Variants in ESRRG observed in about 807,000 individuals in gnomAD.
The protein encoded by ESRRG is estrogen-related receptor gamma.
ESRRG carries 13 observed loss-of-function variants against 44.0 expected under a neutral mutation model. The observed-to-expected ratio is 0.30, with a 90% CI of 0.19 to 0.47. The LOEUF (loss-of-function observed/expected upper bound fraction) is 0.47. Ranked by LOEUF, ESRRG falls within the 20% of genes least tolerant of loss-of-function variation. The probability of loss-of-function intolerance (pLI) is 1.00; values close to 1 mark genes in which losing one functional copy is unlikely to be tolerated. For synonymous variants in ESRRG, 215 were observed against 214.6 expected (o/e 1.00, Z -0.02); for missense variants, 395 against 580.6 (o/e 0.68, Z 3.29).
chr1:217,122,375 T>C (rs2092830975), intron 1 of ESRRG, among the ~76,000 whole-genome samples: 1 of 152,158 alleles, frequency 6.6e-6, no homozygotes, highest in African/African-American at 2.4e-5. Context: ...ATTTGCATCC[T>C]GGCCCCACCT....
chr1:216,568,400 G>T (rs1425184225), intron 3 of ESRRG, among the ~76,000 whole-genome samples: 1 of 152,194 alleles, frequency 6.6e-6, no homozygotes, highest in East Asian at 1.9e-4. Context: ...GCCGCTATTT[G>T]GTGCTAGTAT....
intron 2 of ESRRG, among the ~76,000 whole-genome samples, chr1:216,923,302 C>T (rs1016357397): frequency 2.6e-5 from 4 of 152,218 alleles, no homozygotes; most frequent in Non-Finnish European, 5.9e-5. Flanking sequence ...AAACAAGAAA[C>T]AGAACCCCTC....
intron 2 of ESRRG, among the ~76,000 whole-genome samples, chr1:216,773,349 A>G (rs1197748734): frequency 6.6e-6 from 1 of 152,124 alleles, no homozygotes; most frequent in African/African-American, 2.4e-5. Flanking sequence ...GCAATGATCC[A>G]ATATAAGCAA....
chr1:217,072,936 C>T (rs1445914380), intron 1 of ESRRG, among the ~76,000 whole-genome samples: 15 of 152,032 alleles, frequency 9.9e-5, no homozygotes, highest in Admixed American at 9.8e-4. Context: ...TACCCATTGT[C>T]ATTCATATGA....
chr1:216,634,199 A>G (rs1051007454), intron 3 of ESRRG, among the ~76,000 whole-genome samples: 1 of 152,138 alleles, frequency 6.6e-6, no homozygotes, highest in East Asian at 1.9e-4. Context: ...TTCCAAATGT[A>G]CAAGCTTCGG....
chr1:217,074,451 C>CAAA lies in ESRRG; in HGVS notation c.-106+15055_-106+15056insTTT, dbSNP rs140445948. Among the ~76,000 whole-genome samples the CAAA allele has an allele frequency of 1.1e-3, 164 of 144,124 alleles. 5 individuals are homozygous for CAAA. Among genetic ancestry groups the CAAA allele is most frequent in the East Asian group, 2.1e-3 (10 of 4,804 alleles). The allele number at this position is 144,124 out of a possible 152,430, so 94.6% of individuals were successfully genotyped here. A position where few individuals can be genotyped will look rare whatever the true frequency, so the allele number is the denominator to read the frequency against. On this transcript the variant is annotated intron_variant, in intron 1 of 7. Transcript: ENST00000359162. ...CCACAGTATCAGAAATCCACCCCCC[C>CAAA]CAAAAAAAAAAAAACTCAACTAGTT...
chr1:216,504,668 T>C lies in ESRRG; in HGVS notation c.*2271A>G, dbSNP rs907544682. 1 of 152,616 alleles carries C rather than the reference T, an allele frequency of 6.6e-6. No individual in the cohort carries two copies. The highest frequency in any genetic ancestry group is 2.4e-5 in the African/African-American group (1 of 41,458). 9.5% of individuals were successfully genotyped at this position (152,616 alleles called of 1,614,324 possible). A position where few individuals can be genotyped will look rare whatever the true frequency, so the allele number is the denominator to read the frequency against. ...GTTAATAACAACATCTGAGAGATGATTGAGTGAAAGCCATATATACAGCAT... is the reference window on the plus strand; with the variant it reads ...GTTAATAACAACATCTGAGAGATGACTGAGTGAAAGCCATATATACAGCAT... On this transcript the variant is annotated 3_prime_UTR_variant, in exon 7 of 7. Coordinates refer to ENST00000408911, the MANE Select transcript of ESRRG (RefSeq NM_001438.4).
rs781691330 is a variant in ESRRG, at chr1:216,519,421, C to G, written c.863G>C (p.Gly288Ala). Residue 288 changes from glycine (G) to alanine (A), a missense_variant and splice_region_variant, in exon 6 of 7, where the codon GGC becomes GCC. Around this residue, in one of 5 missense-constraint regions of ESRRG, gnomAD observed 167 missense variants for 251.8 expected, o/e 0.66. Coordinates refer to ENST00000408911, the MANE Select transcript of ESRRG (RefSeq NM_001438.4). ...GTCCGCCAGGGACAGCGTGGAGAAGCCTGCATGGAAAGATGGGCAGATCAA... is the reference window on the plus strand; with the variant it reads ...GTCCGCCAGGGACAGCGTGGAGAAGGCTGCATGGAAAGATGGGCAGATCAA... ...VIIGWAKHIP[G>A]FSTLSLADQM... 7 of 1,601,226 alleles carry G rather than the reference C, an allele frequency of 4.4e-6. No homozygotes were observed. The highest frequency in any genetic ancestry group is 2.2e-5 in the East Asian group (1 of 44,846).
chr1:217,074,789 A>G (rs780307791), intron 1 of ESRRG, among the ~76,000 whole-genome samples: 1 of 152,234 alleles, frequency 6.6e-6, no homozygotes, highest in Non-Finnish European at 1.5e-5. Context: ...CATACTTTTT[A>G]AAAGTAAAAC....
chr1:216,658,313 C>T (rs2071173256), intron 2 of ESRRG, among the ~76,000 whole-genome samples: 1 of 152,134 alleles, frequency 6.6e-6, no homozygotes, highest in African/African-American at 2.4e-5. Flanking sequence ...AAAACTACAT[C>T]TTCCCTCAGG....
Position 216,882,014 on chromosome 1 carries a change from T to C in ESRRG, c.-14+57568A>G, listed in dbSNP as rs149710242. On this transcript the variant is annotated intron_variant, in intron 2 of 7. Transcript: ENST00000359162. ...TAAGAAAATAGGCTTGGACTTGACC[T>C]CTAAATGACATTTTGTATGGTGTTT... Among the ~76,000 whole-genome samples, 5 of 151,934 alleles carry C rather than the reference T, an allele frequency of 3.3e-5. No individual in the cohort carries two copies. The East Asian group carries it at 9.7e-4, about 30-fold the overall frequency.
chr1:216,971,465 C>G (rs114003595), intron 1 of ESRRG, among the ~76,000 whole-genome samples: 1 of 152,102 alleles, frequency 6.6e-6, no homozygotes, highest in Non-Finnish European at 1.5e-5. Flanking sequence ...AGGCAAAATT[C>G]GTAAAACAAT....
intron 2 of ESRRG, among the ~76,000 whole-genome samples, chr1:216,876,257 T>G (rs2096350538): frequency 6.6e-6 from 1 of 152,196 alleles, no homozygotes; most frequent in South Asian, 2.1e-4. Context: ...AGAGACCCAA[T>G]AGATCTTAAA....
chr1:217,034,521 C>T (rs946524165), intron 1 of ESRRG, among the ~76,000 whole-genome samples: 18 of 152,256 alleles, frequency 1.2e-4, no homozygotes, highest in South Asian at 4.1e-4. Flanking sequence ...GAACCACTGG[C>T]GGACCTGGCC....
chr1:216,904,065 C>G (rs2059405065), intron 2 of ESRRG, among the ~76,000 whole-genome samples: 1 of 152,134 alleles, frequency 6.6e-6, no homozygotes, highest in Non-Finnish European at 1.5e-5. Flanking sequence ...CCGTACCTAC[C>G]TTGCAGGGTT....
intron 5 of ESRRG, among the ~76,000 whole-genome samples, chr1:216,527,583 C>G (rs1344986351): frequency 6.6e-6 from 1 of 152,084 alleles, no homozygotes; most frequent in African/African-American, 2.4e-5. Context: ...GTTAAGTGAG[C>G]TCATTTTCCT....
At position 217,018,231 on chromosome 1, in the gene ESRRG, A is replaced by C. The variant is rs546421327; in HGVS notation, c.-106+71276T>G. Among the ~76,000 whole-genome samples the C allele has an allele frequency of 3.3e-5, 5 of 152,078 alleles. No homozygotes were observed. The South Asian group carries it at 1.0e-3, about 32-fold the overall frequency. On this transcript the variant is annotated intron_variant, in intron 1 of 7. Transcript: ENST00000359162. ...CTCAACTGTTTTTTTTAAACTTATC[A>C]TTCCATTGCCCTTCTTTTAATACTC...
Position 216,613,416 on chromosome 1 carries a change from C to A in ESRRG, c.589+37557G>T, listed in dbSNP as rs139173221. 2.6e-3 allele frequency among the ~76,000 whole-genome samples: 401 copies of A among 152,088 alleles called. 6 individuals are homozygous for A. The highest frequency in any genetic ancestry group is 9.3e-3 in the African/African-American group (386 of 41,450). On this transcript the variant is annotated intron_variant, in intron 3 of 6. Coordinates refer to ENST00000408911, the MANE Select transcript of ESRRG (RefSeq NM_001438.4). ...TGTGTTTATTACAATTCTTCATGAC[C>A]CAAATTATTTTTGGCAGAGGTGCTA...
At chr1:216,762,937 C>T (rs1048415445) in intron 2 of ESRRG, among the ~76,000 whole-genome samples, 3 of 151,906 alleles carry the variant, frequency 2.0e-5, no homozygotes, top group African/African-American at 7.2e-5. Context: ...TTTTTGATAG[C>T]CTATGAAGCA....
Sources: allele counts gnomAD v4.1 joint callset (sites outside exome capture counted in the v4.1 genomes callset), GRCh38; gene constraint gnomAD v4.1.1; regional missense constraint gnomAD v4.1.1; transcripts MANE v1.5; gene names NCBI Gene and HGNC (gene_info 2026-07-23, HGNC 2026-07-21).